Variants in DLGAP4 observed in about 807,000 individuals in gnomAD.
The protein encoded by DLGAP4 is DLG associated protein 4.
In DLGAP4, 18 loss-of-function variants were observed where a neutral mutation model predicts 86.9. The observed-to-expected ratio is 0.21, with a 90% CI of 0.14 to 0.31. DLGAP4 has a LOEUF of 0.31. DLGAP4 is among the 10% of genes least tolerant of loss of function. DLGAP4 has a pLI of 1.00. For synonymous variants in DLGAP4, 548 were observed against 574.3 expected, an observed-to-expected ratio of 0.95 and a Z score of 0.65; for missense variants, 1,085 against 1,362.6, an observed-to-expected ratio of 0.80 and a Z score of 3.21.
At chr20:36,455,592 C>G (rs577680654) in intron 7 of DLGAP4, among the ~76,000 whole-genome samples, 2 of 152,312 alleles carry the variant, frequency 1.3e-5, no homozygotes, top group South Asian at 4.1e-4. Context: ...TTCTGTGTCA[C>G]TCTGAGTGGG....
At chr20:36,356,611 C>T (rs2030337828) in intron 1 of DLGAP4, among the ~76,000 whole-genome samples, 2 of 151,082 alleles carry the variant, frequency 1.3e-5, no homozygotes, top group South Asian at 4.2e-4. Flanking sequence ...GCGCCTGGCC[C>T]GTTGTTGTTT....
intron 2 of DLGAP4, among the ~76,000 whole-genome samples, chr20:36,380,490 A>G (rs977827483): frequency 1.3e-5 from 2 of 152,110 alleles, no homozygotes; most frequent in African/African-American, 4.8e-5. Context: ...TGGGAGGCTG[A>G]GGCAGAAGGA....
At chr20:36,357,640 T>C (rs1392561966) in intron 1 of DLGAP4, among the ~76,000 whole-genome samples, 1 of 152,132 alleles carries the variant, frequency 6.6e-6, no homozygotes, top group Non-Finnish European at 1.5e-5. Flanking sequence ...CTTTAGGAAG[T>C]GCATAGAAAT....
intron 7 of DLGAP4, among the ~76,000 whole-genome samples, chr20:36,481,700 G>A (rs2035192984): frequency 6.6e-6 from 1 of 152,170 alleles, no homozygotes; most frequent in African/African-American, 2.4e-5. Context: ...AGCATTTGCT[G>A]GAATGGGGTG....
Position 36,410,033 on chromosome 20 carries a change from C to CA in DLGAP4, c.-72-21595dup, listed in dbSNP as rs11475768. Among the ~76,000 whole-genome samples the CA allele has an allele frequency of 3.1e-3, 292 of 94,656 alleles. 3 individuals are homozygous for CA. Among genetic ancestry groups the CA allele is most frequent in the Middle Eastern group, 0.012 (2 of 168 alleles). The allele number at this position is 94,656 out of a possible 152,430, so 62.1% of individuals were successfully genotyped here. ...TGGGCGACAGAGTTAGACTCCGTCT[C>CA]AAAAAAAAAAAAAAAAAAGTACTCC... On this transcript the variant is annotated intron_variant, in intron 2 of 12. Coordinates refer to ENST00000339266, the MANE Select transcript of DLGAP4 (RefSeq NM_001365621.2).
At position 36,432,284 on chromosome 20, in the gene DLGAP4, G is replaced by A. The variant is rs140974641; in HGVS notation, c.567G>A (p.Lys189=). The change falls in exon 3 of 13, where the codon AAG becomes AAA. Residue 189 remains lysine (K), a synonymous_variant. Transcript: ENST00000339266. The surrounding 1 kb of genome is among the most constrained non-coding windows in gnomAD (Gnocchi z 6.5). ...GGGCCAAAAGCAAGGAGCGGGCCAA[G>A]GCTGGGGAGCCCAAACGGCGCAGCC... is the stretch of plus-strand genomic sequence containing the variant. The part of the protein sequence containing the change: ...GRRAKSKERA[K]AGEPKRRSRS... 462 of 1,613,776 alleles carry A rather than the reference G, an allele frequency of 2.9e-4. No homozygotes were observed. The African/African-American group carries it at 5.6e-3, about 20-fold the overall frequency.
chr20:36,514,060 A>C (rs981262011), intron 10 of DLGAP4, among the ~76,000 whole-genome samples: 1 of 152,224 alleles, frequency 6.6e-6, no homozygotes, highest in Non-Finnish European at 1.5e-5. Flanking sequence ...AGCTGTCTAA[A>C]GACTGATCCC....
chr20:36,527,153 T>A lies in DLGAP4; in HGVS notation c.*122T>A. ...CTGTCTAGAGACCCTGAGCCAACTT[T>A]CAAATTGACGCATACAAGGGCTCAC... On this transcript the variant is annotated 3_prime_UTR_variant, in exon 13 of 13. Transcript: ENST00000339266. 1 of 1,100,652 alleles carries A rather than the reference T, an allele frequency of 9.1e-7. No homozygotes were observed. The highest frequency in any genetic ancestry group is 1.3e-6 in the Non-Finnish European group (1 of 798,508). 68.2% of individuals were successfully genotyped at this position (1,100,652 alleles called of 1,614,324 possible).
chr20:36,428,762 T>C (rs1181103661), intron 2 of DLGAP4, among the ~76,000 whole-genome samples: 1 of 152,242 alleles, frequency 6.6e-6, no homozygotes, highest in Non-Finnish European at 1.5e-5. Flanking sequence ...TCTCATAGGA[T>C]GTTCTAGAGG....
chr20:36,479,500 G>T (rs2035091543), intron 7 of DLGAP4, among the ~76,000 whole-genome samples: 1 of 152,188 alleles, frequency 6.6e-6, no homozygotes, highest in Non-Finnish European at 1.5e-5. Context: ...CCTGTGGTGT[G>T]CCTGAATGTG....
intron 7 of DLGAP4, among the ~76,000 whole-genome samples, chr20:36,471,479 G>A (rs1325226865): frequency 6.6e-6 from 1 of 152,100 alleles, no homozygotes; most frequent in Non-Finnish European, 1.5e-5. Context: ...GGGTGACAGA[G>A]CAAGACTCCA....
rs1159987669 is a variant in DLGAP4, at chr20:36,418,085, T to C, written c.-72-13561T>C. 3.0e-4 allele frequency among the ~76,000 whole-genome samples: 38 copies of C among 124,748 alleles called. 1 individual carries two copies. The highest frequency in any genetic ancestry group is 1.7e-5 in the Non-Finnish European group (1 of 57,580). 81.8% of individuals were successfully genotyped at this position (124,748 alleles called of 152,430 possible). A position where few individuals can be genotyped will look rare whatever the true frequency, so the allele number is the denominator to read the frequency against. On this transcript the variant is annotated intron_variant, in intron 2 of 12. Transcript: ENST00000339266. ...TAGGCGTGAGCCACCGCGCCCGGCCTCATTTGGTTGTGTGTGTGTGCGCGC... is the reference window on the plus strand; with the variant it reads ...TAGGCGTGAGCCACCGCGCCCGGCCCCATTTGGTTGTGTGTGTGTGCGCGC...
chr20:36,328,028 G>A (rs1311189386), intron 1 of DLGAP4, among the ~76,000 whole-genome samples: 15 of 151,268 alleles, frequency 9.9e-5, no homozygotes, highest in Admixed American at 5.3e-4. Flanking sequence ...GTGAAACTCC[G>A]TCTCTACTAA....
At chr20:36,467,534 C>T (rs1249886010) in intron 7 of DLGAP4, among the ~76,000 whole-genome samples, 1 of 152,148 alleles carries the variant, frequency 6.6e-6, no homozygotes, top group African/African-American at 2.4e-5. Flanking sequence ...GGTAGCACAA[C>T]TGGAAGACTT....
chr20:36,373,752 G>T (rs1359922959), intron 2 of DLGAP4, among the ~76,000 whole-genome samples: 1 of 152,164 alleles, frequency 6.6e-6, no homozygotes, highest in African/African-American at 2.4e-5. Flanking sequence ...AGGAGTCCTG[G>T]CCAGGTGCGG....
chr20:36,347,700 C>T (rs1277013042), intron 1 of DLGAP4, among the ~76,000 whole-genome samples: 2 of 150,880 alleles, frequency 1.3e-5, no homozygotes, highest in Non-Finnish European at 2.9e-5. Flanking sequence ...GTGACATGCA[C>T]CTGTACTCCC....
At chr20:36,381,882 GCAGCGA>G (rs1334607628) in intron 2 of DLGAP4, among the ~76,000 whole-genome samples, 1 of 152,180 alleles carries the variant, frequency 6.6e-6, no homozygotes, top group Non-Finnish European at 1.5e-5. Flanking sequence ...GACACCTGTG[GCAGCGA>G]TGGGAGTGGG....
At chr20:36,498,602 TTCCTTGAG>T in intron 8 of DLGAP4, 1 of 152,786 alleles carries the variant, frequency 6.5e-6, no homozygotes, top group African/African-American at 2.4e-5. Flanking sequence ...TGGTGCTGCA[TTCCTTGAG>T]CCGGCTTTTG....
chr20:36,463,212 C>G (rs888381781), intron 7 of DLGAP4, among the ~76,000 whole-genome samples: 10 of 152,222 alleles, frequency 6.6e-5, no homozygotes, highest in African/African-American at 2.2e-4. Context: ...GGCCTTGGTT[C>G]TGCCAGCTTC....
Sources: gnomAD v4.1 joint callset for allele counts (sites outside exome capture counted in the v4.1 genomes callset) on GRCh38, gnomAD v4.1.1 for gene constraint, Gnocchi (gnomAD v3.1) non-coding constraint, MANE v1.5 for transcripts, NCBI Gene and HGNC (gene_info 2026-07-23, HGNC 2026-07-21) for gene names.